Variants in SDC2 observed in about 807,000 individuals in gnomAD.
SDC2 encodes syndecan 2.
SDC2 carries 13 observed loss-of-function variants against 22.2 expected under a neutral mutation model. The observed-to-expected ratio is 0.59, with a 90% CI of 0.38 to 0.93. The LOEUF is 0.93. Ranked by LOEUF, SDC2 falls within the 40% of genes least tolerant of loss-of-function variation. SDC2 has a pLI of 0.00. For synonymous variants in SDC2, 94 were observed against 92.8 expected (o/e 1.01, Z -0.07); for missense variants, 235 against 246.8 (o/e 0.95, Z 0.32).
At chr8:96,541,301 G>A (rs972238977) in intron 1 of SDC2, among the ~76,000 whole-genome samples, 4 of 151,770 alleles carry the variant, frequency 2.6e-5, no homozygotes, top group Non-Finnish European at 4.4e-5. Flanking sequence ...GGTGGTGTGC[G>A]TCTGTAGTCC....
At chr8:96,603,687 C>G (rs992536689) in intron 3 of SDC2, among the ~76,000 whole-genome samples, 4 of 152,132 alleles carry the variant, frequency 2.6e-5, no homozygotes, top group African/African-American at 9.7e-5. Flanking sequence ...CCTCCATCCT[C>G]CCAGTGCCTG....
chr8:96,517,199 TGAGC>T (rs1813414562), intron 1 of SDC2, among the ~76,000 whole-genome samples: 1 of 152,230 alleles, frequency 6.6e-6, no homozygotes, highest in South Asian at 2.1e-4. Flanking sequence ...CTGATGATGT[TGAGC>T]AAGATGTGTT....
chr8:96,608,310 A>G (rs1274637524), intron 3 of SDC2, 25 bp from the exon 4 acceptor site: 1 of 1,603,624 alleles, frequency 6.2e-7, no homozygotes, highest in Non-Finnish European at 8.5e-7. Flanking sequence ...AAATCAATGT[A>G]ATCTTTCCCT....
chr8:96,528,269 A>AT (rs938930214), intron 1 of SDC2, among the ~76,000 whole-genome samples: 8 of 152,172 alleles, frequency 5.3e-5, no homozygotes, highest in African/African-American at 1.2e-4. Context: ...GAGAAAGAGG[A>AT]TTTTTTTTAA....
intron 3 of SDC2, among the ~76,000 whole-genome samples, chr8:96,605,282 C>G (rs1815058435): frequency 6.6e-6 from 1 of 152,196 alleles, no homozygotes; most frequent in African/African-American, 2.4e-5. Context: ...TACCTCTCTC[C>G]CTAGTCACAA....
At chr8:96,597,538 G>T (rs1814899071) in intron 2 of SDC2, among the ~76,000 whole-genome samples, 1 of 152,172 alleles carries the variant, frequency 6.6e-6, no homozygotes, top group Non-Finnish European at 1.5e-5. Context: ...TGTAACATGA[G>T]AGAAAGAGAA....
chr8:96,606,516 A>T (rs1405368409), intron 3 of SDC2, among the ~76,000 whole-genome samples: 3 of 152,198 alleles, frequency 2.0e-5, no homozygotes, highest in Admixed American at 6.5e-5. Flanking sequence ...AAATAGCAGT[A>T]AAAGTCAGTG....
intron 2 of SDC2, 46 bp from the exon 3 acceptor site, chr8:96,602,349 T>C: frequency 6.3e-7 from 1 of 1,599,286 alleles, no homozygotes; most frequent in South Asian, 1.1e-5. Context: ...TGGAGACATC[T>C]GTGTCATGAT....
chr8:96,502,187 A>G (rs1421586287), intron 1 of SDC2, among the ~76,000 whole-genome samples: 3 of 152,202 alleles, frequency 2.0e-5, no homozygotes, highest in African/African-American at 4.8e-5. Flanking sequence ...GGCACGTCCT[A>G]CATGGTGGCA....
intron 1 of SDC2, among the ~76,000 whole-genome samples, chr8:96,545,460 G>A (rs1297204733): frequency 6.6e-6 from 1 of 152,196 alleles, no homozygotes; most frequent in Non-Finnish European, 1.5e-5. Context: ...GGGGAATGAG[G>A]ACTTGAGATT....
chr8:96,593,440 ATC>A (rs774771283), intron 1 of SDC2, 38 bp from the exon 2 acceptor site: 37 of 1,368,042 alleles, frequency 2.7e-5, no homozygotes, highest in Non-Finnish European at 3.6e-5. Flanking sequence ...GTGTTTCTTA[ATC>A]TCTCAACATC....
intron 1 of SDC2, among the ~76,000 whole-genome samples, chr8:96,510,175 T>C (rs1366072926): frequency 2.6e-5 from 4 of 152,198 alleles, no homozygotes; most frequent in Non-Finnish European, 5.9e-5. Flanking sequence ...AAATTGCATG[T>C]TTTACTGATT....
In SDC2 at chr8:96,610,613, C is replaced by A. The variant is rs890527054; in HGVS notation, c.*1065C>A. On this transcript the variant is annotated 3_prime_UTR_variant, in exon 5 of 5. Coordinates refer to ENST00000302190, the MANE Select transcript of SDC2 (RefSeq NM_002998.4). ...TTGTAATTTGGGAACATAAAAACTA[C>A]TGAATAAATCATGTGGCCTAATATT... is the stretch of plus-strand genomic sequence containing the variant. 6.6e-6 allele frequency: 1 copy of A among 152,560 alleles called. No individual in the cohort carries two copies. Among genetic ancestry groups the A allele is most frequent in the Non-Finnish European group, 1.5e-5 (1 of 68,032 alleles). 9.5% of individuals were successfully genotyped at this position (152,560 alleles called of 1,614,324 possible). A position where few individuals can be genotyped will look rare whatever the true frequency, so the allele number is the denominator to read the frequency against.
At chr8:96,495,452 T>C (rs2130407928) in intron 1 of SDC2, among the ~76,000 whole-genome samples, 1 of 152,320 alleles carries the variant, frequency 6.6e-6, no homozygotes, top group African/African-American at 2.4e-5. Flanking sequence ...AGGAGCTCTG[T>C]CGGGCCAGGT....
intron 1 of SDC2, 24 bp from the exon 2 acceptor site, chr8:96,593,456 A>C: frequency 6.7e-7 from 1 of 1,500,840 alleles, no homozygotes; most frequent in Non-Finnish European, 9.3e-7. Flanking sequence ...CAACATCCTG[A>C]CTCCCTTGTC....
chr8:96,540,734 G>A (rs530340877), intron 1 of SDC2, among the ~76,000 whole-genome samples: 15 of 152,194 alleles, frequency 9.9e-5, no homozygotes, highest in South Asian at 8.3e-4. Flanking sequence ...TTCTTTTTCC[G>A]GTTGAAGAGG....
chr8:96,499,354 G>A (rs1394796218), intron 1 of SDC2, among the ~76,000 whole-genome samples: 1 of 152,206 alleles, frequency 6.6e-6, no homozygotes, highest in Non-Finnish European at 1.5e-5. Context: ...ACCTGAATGG[G>A]GGTGGGAGTG....
intron 1 of SDC2, among the ~76,000 whole-genome samples, chr8:96,499,573 C>T (rs1813128747): frequency 6.6e-6 from 1 of 152,278 alleles, no homozygotes; most frequent in South Asian, 2.1e-4. Context: ...GGTACCTTGC[C>T]ACTTAATGTG....
chr8:96,540,857 G>C (rs920291892), intron 1 of SDC2, among the ~76,000 whole-genome samples: 12 of 152,120 alleles, frequency 7.9e-5, no homozygotes, highest in Non-Finnish European at 1.2e-4. Flanking sequence ...GTTCACATAG[G>C]GCCAAGTAGG....
Sources: gnomAD v4.1 joint callset for allele counts (sites outside exome capture counted in the v4.1 genomes callset) on GRCh38, gnomAD v4.1.1 for gene constraint, MANE v1.5 for transcripts, NCBI Gene and HGNC (gene_info 2026-07-23, HGNC 2026-07-21) for gene names.